The following S100P variants were observed in gnomAD, a reference collection of about 807,000 sequenced individuals.
The protein encoded by S100P is S100 calcium binding protein P.
Under a neutral mutation model 4.7 loss-of-function variants are expected in S100P, and 7 were observed. The ratio of observed to expected loss-of-function variants is 1.48; its 90% confidence interval spans 0.84 to 2.77. S100P has a LOEUF of 2.77. Among genes scored for constraint, S100P ranks in the 30% most tolerant of loss-of-function variants. The pLI is 0.00. For synonymous variants in S100P, 48 were observed against 49.0 expected, an observed-to-expected ratio of 0.98 and a Z score of 0.08; for missense variants, 122 against 120.6, an observed-to-expected ratio of 1.01 and a Z score of -0.06.
At chr4:6,695,795 G>A (rs1174533844) in intron 1 of S100P, among the ~76,000 whole-genome samples, 7 of 143,922 alleles carry the variant, frequency 4.9e-5, no homozygotes, top group East Asian at 2.8e-4. Flanking sequence ...AACAATGTCC[G>A]CCTGAGGGCA....
chr4:6,697,133 G>C lies in S100P; in HGVS notation c.*91G>C. The C allele has an allele frequency of 1.0e-6, 1 of 997,106 alleles. No individual in the cohort carries two copies. The highest frequency in any genetic ancestry group is 1.6e-5 in the South Asian group (1 of 62,242). 61.8% of individuals were successfully genotyped at this position (997,106 alleles called of 1,614,324 possible). A position where few individuals can be genotyped will look rare whatever the true frequency, so the allele number is the denominator to read the frequency against. On this transcript the variant is annotated 3_prime_UTR_variant, in exon 2 of 2. Transcript: ENST00000296370. ...GCAATTATTCCCCTAGGCTGAGCCT[G>C]CTCATGTACCTCTGATTAATAAATG... is the stretch of plus-strand genomic sequence containing the variant.
intron 1 of S100P, 102 bp downstream of exon 1, chr4:6,694,172 G>T: frequency 1.8e-6 from 2 of 1,134,242 alleles, no homozygotes; most frequent in South Asian, 1.6e-5. Context: ...GCGGTCAAGG[G>T]GCTCAGAGGC....
intron 1 of S100P, among the ~76,000 whole-genome samples, chr4:6,694,963 TTTTC>T (rs1388401912): frequency 3.7e-5 from 5 of 136,446 alleles, no homozygotes; most frequent in Admixed American, 3.0e-4. Context: ...TTTTCTTTTC[TTTTC>T]TTTTTTTTTT....
rs928736880 is a variant in S100P, at chr4:6,697,135, T to A, written c.*93T>A. 4 of 955,858 alleles carry A rather than the reference T, an allele frequency of 4.2e-6. No homozygotes were observed. In the Admixed American group the frequency reaches 9.5e-5, roughly 23 times the overall value. 59.2% of individuals were successfully genotyped at this position (955,858 alleles called of 1,614,324 possible). A position where few individuals can be genotyped will look rare whatever the true frequency, so the allele number is the denominator to read the frequency against. On this transcript the variant is annotated 3_prime_UTR_variant, in exon 2 of 2. Coordinates refer to ENST00000296370, the MANE Select transcript of S100P (RefSeq NM_005980.3). The stretch of plus-strand genomic sequence containing the variant: ...AATTATTCCCCTAGGCTGAGCCTGC[T>A]CATGTACCTCTGATTAATAAATGCT...
intron 1 of S100P, 139 bp from the exon 2 acceptor site, chr4:6,696,754 T>C (rs1714380437): frequency 1.9e-6 from 1 of 539,584 alleles, no homozygotes; most frequent in East Asian, 3.1e-5. Flanking sequence ...GTGTCTGCTA[T>C]GCACAGCTGG....
In S100P at chr4:6,696,928, C is replaced by G. The variant is rs776427541; in HGVS notation, c.174C>G (p.Leu58=). The change falls in exon 2 of 2, where the codon CTC becomes CTG. Residue 58 remains leucine (L), a synonymous_variant. Coordinates refer to ENST00000296370, the MANE Select transcript of S100P (RefSeq NM_005980.3). ...ACAAGGATGCCGTGGATAAATTGCT[C>G]AAGGACCTGGACGCCAATGGAGATG... ...GKDKDAVDKL[L]KDLDANGDAQ... The G allele has an allele frequency of 1.1e-5, 18 of 1,613,904 alleles. No homozygotes were observed. Among genetic ancestry groups the G allele is most frequent in the Non-Finnish European group, 1.5e-5 (18 of 1,179,920 alleles).
intron 1 of S100P, among the ~76,000 whole-genome samples, chr4:6,695,100 G>A (rs1272960348): frequency 6.6e-6 from 1 of 151,728 alleles, no homozygotes; most frequent in African/African-American, 2.4e-5. Flanking sequence ...CGAGTAGCTG[G>A]GACTACAGGT....
In S100P at chr4:6,694,028, G is replaced by C; in HGVS notation, c.96G>C (p.Glu32Asp). 1.2e-6 allele frequency: 2 copies of C among 1,613,878 alleles called. No homozygotes were observed. The highest frequency in any genetic ancestry group is 1.7e-6 in the Non-Finnish European group (2 of 1,179,940). ...GCACGCAGACCCTGACCAAGGGGGA[G>C]CTCAAGGTGCTGATGGAGAAGGAGC... Reference protein sequence around the residue: ...EGSTQTLTKGELKVLMEKELP... With the variant: ...EGSTQTLTKGDLKVLMEKELP... The change falls in exon 1 of 2, where the codon GAG becomes GAC. Residue 32 changes from glutamate (E) to aspartate (D), a missense_variant. Coordinates refer to ENST00000296370, the MANE Select transcript of S100P (RefSeq NM_005980.3).
Position 6,693,986 on chromosome 4 carries a change from T to G in S100P, c.54T>G (p.Tyr18Ter). Reference sequence around the variant, plus strand: ...TGATCATAGACGTCTTTTCCCGATATTCGGGCAGCGAGGGCAGCACGCAGA... The same window carrying G: ...TGATCATAGACGTCTTTTCCCGATAGTCGGGCAGCGAGGGCAGCACGCAGA... ...MGMIIDVFSR[Y>*]SGSEGSTQTL... Residue 18 changes from tyrosine to a stop codon, truncating the protein, a stop_gained, in exon 1 of 2, where the codon TAT (tyrosine) becomes TAG (stop). Coordinates refer to ENST00000296370, the MANE Select transcript of S100P (RefSeq NM_005980.3). LOFTEE classifies it high-confidence loss of function. 6.2e-7 allele frequency: 1 copy of G among 1,614,106 alleles called. No individual in the cohort carries two copies. The highest frequency in any genetic ancestry group is 8.5e-7 in the Non-Finnish European group (1 of 1,179,998).
chr4:6,696,246 G>A (rs1417897269), intron 1 of S100P, among the ~76,000 whole-genome samples: 6 of 152,158 alleles, frequency 3.9e-5, no homozygotes, highest in Admixed American at 3.9e-4. Flanking sequence ...CTGCCGGCCT[G>A]GCCTTCTCAA....
At chr4:6,695,885 AC>A (rs1301286362) in intron 1 of S100P, among the ~76,000 whole-genome samples, 2 of 152,200 alleles carry the variant, frequency 1.3e-5, no homozygotes, top group African/African-American at 4.8e-5. Context: ...CTTTGTAAAT[AC>A]GAGGTGACTG....
intron 1 of S100P, among the ~76,000 whole-genome samples, chr4:6,694,559 G>A (rs1714321762): frequency 6.6e-6 from 1 of 152,186 alleles, no homozygotes; most frequent in Admixed American, 6.5e-5. Flanking sequence ...GGGTCTGGCA[G>A]GAAGGACGGG....
chr4:6,694,503 G>A (rs1045159938), intron 1 of S100P, among the ~76,000 whole-genome samples: 3 of 152,224 alleles, frequency 2.0e-5, no homozygotes, highest in African/African-American at 4.8e-5. Context: ...CCACTTGCCC[G>A]CTTTCCCTGC....
In S100P at chr4:6,694,365, G is replaced by C. The variant is rs369748744; in HGVS notation, c.138+295G>C. Among the ~76,000 whole-genome samples the C allele has an allele frequency of 7.2e-5, 11 of 152,338 alleles. No homozygotes were observed. The East Asian group carries it at 9.6e-4, about 13-fold the overall frequency. On this transcript the variant is annotated intron_variant, in intron 1 of 1. Coordinates refer to ENST00000296370, the MANE Select transcript of S100P (RefSeq NM_005980.3). ...TGGTGGGAGAGTGGGACTCAAACCT[G>C]TGCAGTGGGGGCAGGGGCGGAATGC...
rs775589745 is a variant in S100P at position 6,697,022 on chromosome 4, G to C, written c.268G>C (p.Glu90Gln). The C allele has an allele frequency of 2.1e-5, 34 of 1,613,364 alleles. No homozygotes were observed. The South Asian group carries it at 3.3e-4, about 16-fold the overall frequency. ...CACGTCTGCCTGTCACAAGTACTTT[G>C]AGAAGGCAGGACTCAAATGATGCCC... Reference protein sequence around the residue: ...AITSACHKYFEKAGLK With the variant: ...AITSACHKYFQKAGLK Residue 90 changes from glutamate (E) to glutamine (Q), a missense_variant, in exon 2 of 2, where the codon GAG becomes CAG. Coordinates refer to ENST00000296370, the MANE Select transcript of S100P (RefSeq NM_005980.3).
chr4:6,697,036 C>T lies in S100P; in HGVS notation c.282C>T (p.Leu94=). 1.2e-6 allele frequency: 2 copies of T among 1,612,098 alleles called. No individual in the cohort carries two copies. Among genetic ancestry groups the T allele is most frequent in the Admixed American group, 1.7e-5 (1 of 59,880 alleles). Residue 94 remains leucine, a synonymous_variant, in exon 2 of 2, where the codon CTC becomes CTT. Coordinates refer to ENST00000296370, the MANE Select transcript of S100P (RefSeq NM_005980.3). ...ACHKYFEKAG[L]K ...ACAAGTACTTTGAGAAGGCAGGACT[C>T]AAATGATGCCCTGGAGATGTCACAG...
At chr4:6,696,831 G>A in intron 1 of S100P, 62 bp from the exon 2 acceptor site, 3 of 1,519,260 alleles carry the variant, frequency 2.0e-6, no homozygotes, top group Non-Finnish European at 2.7e-6. Context: ...GCAGTGCTTG[G>A]TGGAGGCTGA....
chr4:6,694,105 G>T (rs768183843), intron 1 of S100P, 35 bp downstream of exon 1: 2 of 1,571,276 alleles, frequency 1.3e-6, no homozygotes, highest in Non-Finnish European at 8.6e-7. Context: ...CTCAGCGGGG[G>T]CTGGGGAAGA....
intron 1 of S100P, among the ~76,000 whole-genome samples, chr4:6,694,502 C>T (rs60685700): frequency 0.14 from 21,596 of 152,222 alleles, 1,582 homozygotes; most frequent in East Asian, 0.2. Flanking sequence ...CCCACTTGCC[C>T]GCTTTCCCTG....
Sources: gnomAD v4.1 joint callset for allele counts (sites outside exome capture counted in the v4.1 genomes callset) on GRCh38, gnomAD v4.1.1 for gene constraint, MANE v1.5 for transcripts, NCBI Gene and HGNC (gene_info 2026-07-23, HGNC 2026-07-21) for gene names.